Variants in PKP1 observed in about 807,000 individuals in gnomAD.
The protein encoded by PKP1 is plakophilin-1.
PKP1 carries 27 observed loss-of-function variants against 76.4 expected under a neutral mutation model. That is an observed-to-expected ratio of 0.35 (90% CI 0.26 to 0.49). PKP1 has a LOEUF of 0.49. Among genes scored for constraint, PKP1 ranks in the 20% least tolerant of loss-of-function variants. The pLI is 0.99. For synonymous variants in PKP1, 404 were observed against 384.2 expected (o/e 1.05, Z -0.60); for missense variants, 964 against 955.2 (o/e 1.01, Z -0.12).
At chr1:201,325,910 G>GCC in intron 12 of PKP1, 72 bp downstream of exon 12, 3 of 1,169,998 alleles carry the variant, frequency 2.6e-6, no homozygotes, top group African/African-American at 1.5e-5. Flanking sequence ...CATATGCTGG[G>GCC]CTCTGGGCTG....
chr1:201,301,359 C>G (rs1195994522), intron 2 of PKP1, among the ~76,000 whole-genome samples: 1 of 152,198 alleles, frequency 6.6e-6, no homozygotes, highest in Non-Finnish European at 1.5e-5. Context: ...AGGAACTCCA[C>G]TCTCCCCAGA....
chr1:201,284,045 G>A (rs1024415021), intron 1 of PKP1, 141 bp downstream of exon 1: 8 of 805,584 alleles, frequency 9.9e-6, no homozygotes, highest in Admixed American at 2.0e-5. Context: ...TACGCACCTA[G>A]TGCGAGCAGC....
At chr1:201,310,541 GCC>G (rs1656516483) in intron 2 of PKP1, among the ~76,000 whole-genome samples, 1 of 152,228 alleles carries the variant, frequency 6.6e-6, no homozygotes, top group African/African-American at 2.4e-5. Context: ...CAGGTCCCAG[GCC>G]AATTTGTGCA....
intron 2 of PKP1, among the ~76,000 whole-genome samples, chr1:201,307,828 C>T (rs139410512): frequency 1.1e-3 from 164 of 152,302 alleles, no homozygotes; most frequent in Non-Finnish European, 2.0e-3. Flanking sequence ...CTGAGAGGCA[C>T]GAGGACTCCA....
chr1:201,328,028 A>G (rs1380272752), intron 12 of PKP1, among the ~76,000 whole-genome samples: 3 of 152,126 alleles, frequency 2.0e-5, no homozygotes, highest in Admixed American at 6.5e-5. Context: ...CGGATCCCCT[A>G]TGCCATCTCC....
intron 1 of PKP1, among the ~76,000 whole-genome samples, chr1:201,289,291 A>T (rs1655830632): frequency 6.6e-6 from 1 of 152,158 alleles, no homozygotes; most frequent in Admixed American, 6.5e-5. Flanking sequence ...TGGGTGAAAG[A>T]GATTTCAGAG....
chr1:201,314,093 T>G (rs1229382334), intron 3 of PKP1, among the ~76,000 whole-genome samples: 1 of 152,208 alleles, frequency 6.6e-6, no homozygotes, highest in African/African-American at 2.4e-5. Flanking sequence ...GGGAATAGAA[T>G]GGGTTTCAGG....
chr1:201,328,410 G>A (rs1350934959), intron 12 of PKP1: 1 of 367,870 alleles, frequency 2.7e-6, no homozygotes, highest in Non-Finnish European at 5.2e-6. Flanking sequence ...AAAGATAGAG[G>A]TGGTCAGAGG....
chr1:201,329,649 T>C (rs1226260388), intron 13 of PKP1, among the ~76,000 whole-genome samples: 10 of 152,172 alleles, frequency 6.6e-5, no homozygotes. Context: ...AAGGGGGACC[T>C]CTTAACCAGG....
intron 1 of PKP1, among the ~76,000 whole-genome samples, chr1:201,292,569 T>C (rs938124367): frequency 5.5e-4 from 84 of 152,220 alleles, no homozygotes; most frequent in Non-Finnish European, 7.4e-5. Context: ...AAGCTGCCCC[T>C]TGGCTATTCC....
chr1:201,313,459 T>C lies in PKP1; in HGVS notation c.600T>C (p.Pro200=), dbSNP rs368028956. ...CSGQKAIKKC[P]VRPPSCASKQ... is the part of the protein sequence containing the mutation. ...GTCAGAAGGCCATAAAGAAGTGCCC[T>C]GTGCGCCCGCCCTCTTGTGCCTCCA... is the stretch of plus-strand genomic sequence containing the variant. The change falls in exon 3 of 14, where the codon CCT becomes CCC. Residue 200 remains proline (P), a synonymous_variant. Coordinates refer to ENST00000367324, the MANE Select transcript of PKP1 (RefSeq NM_001005337.3). 6.2e-7 allele frequency: 1 copy of C among 1,610,904 alleles called. No homozygotes were observed. The highest frequency in any genetic ancestry group is 1.7e-4 in the Middle Eastern group (1 of 6,056).
chr1:201,312,989 G>C (rs986603587), intron 2 of PKP1, among the ~76,000 whole-genome samples, 177 bp from the exon 3 acceptor site: 1 of 152,172 alleles, frequency 6.6e-6, no homozygotes, highest in Non-Finnish European at 1.5e-5. Flanking sequence ...ATGGGTCACA[G>C]CCTGCAGTTA....
chr1:201,307,902 C>A (rs1656416438), intron 2 of PKP1, among the ~76,000 whole-genome samples: 1 of 152,204 alleles, frequency 6.6e-6, no homozygotes, highest in Non-Finnish European at 1.5e-5. Flanking sequence ...CTGAAGATGG[C>A]CCTGTTGGAC....
intron 2 of PKP1, among the ~76,000 whole-genome samples, chr1:201,305,724 C>T (rs1281696068): frequency 1.3e-5 from 2 of 152,138 alleles, no homozygotes; most frequent in Admixed American, 6.5e-5. Flanking sequence ...CTCCAACTTC[C>T]CAGTATAGGG....
At chr1:201,284,033 T>C in intron 1 of PKP1, 129 bp downstream of exon 1, 1 of 851,890 alleles carries the variant, frequency 1.2e-6, no homozygotes, top group Non-Finnish European at 1.9e-6. Context: ...CCAGGCAGGG[T>C]CTACGCACCT....
intron 6 of PKP1, 69 bp downstream of exon 6, chr1:201,318,864 A>T: frequency 7.5e-7 from 1 of 1,332,290 alleles, no homozygotes; most frequent in Non-Finnish European, 1.1e-6. Context: ...GCCCCATCTC[A>T]GCCAACATTC....
Position 201,324,536 on chromosome 1 carries a change from C to A in PKP1, c.1789C>A (p.Leu597Ile), listed in dbSNP as rs762713136. The A allele has an allele frequency of 7.4e-6, 12 of 1,614,142 alleles. No homozygotes were observed. Among genetic ancestry groups the A allele is most frequent in the Non-Finnish European group, 1.0e-5 (12 of 1,180,018 alleles). Residue 597 changes from leucine to isoleucine, a missense_variant, in exon 10 of 14, where the codon CTC becomes ATC. Coordinates refer to ENST00000367324, the MANE Select transcript of PKP1 (RefSeq NM_001005337.3). ...NSDVVRSGAS[L>I]LSNMSRHPLL... ...TGATGTGGTGCGGTCCGGAGCCTCC[C>A]TCCTGAGCAACATGTCCCGCCACCC...
In PKP1 at chr1:201,324,957, G is replaced by T; in HGVS notation, c.1851G>T (p.Pro617=). 3 of 1,613,618 alleles carry T rather than the reference G, an allele frequency of 1.9e-6. No homozygotes were observed. Among genetic ancestry groups the T allele is most frequent in the Non-Finnish European group, 2.5e-6 (3 of 1,179,962 alleles). Residue 617 remains proline, a synonymous_variant, in exon 11 of 14, where the codon CCG becomes CCT. Transcript: ENST00000367324. ...CTCTCCCAGGGAACCAGGTGTTCCC[G>T]GAGGTGACCAGGCTCCTCACCAGCC... The part of the protein sequence containing the change: ...LHRVMGNQVF[P]EVTRLLTSHT...
rs1241217137 is a variant in PKP1 at position 201,322,095 on chromosome 1, T to C, written c.1465T>C (p.Ser489Pro). The C allele has an allele frequency of 6.2e-7, 1 of 1,612,652 alleles. No homozygotes were observed. Among genetic ancestry groups the C allele is most frequent in the Admixed American group, 1.7e-5 (1 of 59,980 alleles). The change falls in exon 8 of 14, where the codon TCC becomes CCC. Residue 489 changes from serine to proline, a missense_variant. Transcript: ENST00000367324. Reference sequence around the variant, plus strand: ...CCGCAACGCCTACACCGAGAAGTCCTCCACTGGCTGCTTCAGCAACAAGAG... The same window carrying C: ...CCGCAACGCCTACACCGAGAAGTCCCCCACTGGCTGCTTCAGCAACAAGAG... ...NARNAYTEKS[S>P]TGCFSNKSDK...
Sources: allele counts gnomAD v4.1 joint callset (sites outside exome capture counted in the v4.1 genomes callset), GRCh38; gene constraint gnomAD v4.1.1; transcripts MANE v1.5; gene names NCBI Gene and HGNC (gene_info 2026-07-23, HGNC 2026-07-21).